Variants in LINGO2 observed in about 807,000 individuals in gnomAD.
The protein encoded by LINGO2 is leucine-rich repeat and immunoglobulin-like domain-containing nogo receptor-interacting protein 2.
A neutral mutation model predicts 30.6 loss-of-function variants in LINGO2; 14 were observed. That is an observed-to-expected ratio of 0.46 (90% CI 0.30 to 0.72). The LOEUF (loss-of-function observed/expected upper bound fraction) is 0.72. Among genes scored for constraint, LINGO2 ranks in the 30% least tolerant of loss-of-function variants. The pLI is 0.07. For missense variants in LINGO2, 729 were observed against 751.7 expected, an observed-to-expected ratio of 0.97 and a Z score of 0.35; for synonymous variants, 317 against 288.5, an observed-to-expected ratio of 1.10 and a Z score of -1.00.
intron 1 of LINGO2, among the ~76,000 whole-genome samples, chr9:28,496,132 TTC>T (rs1819616553): frequency 6.6e-6 from 1 of 152,006 alleles, no homozygotes; most frequent in African/African-American, 2.4e-5. Context: ...AGAATGTATA[TTC>T]TGTTGATTTG....
At chr9:28,647,355 C>T (rs1827887030) in intron 1 of LINGO2, among the ~76,000 whole-genome samples, 1 of 151,906 alleles carries the variant, frequency 6.6e-6, no homozygotes, top group African/African-American at 2.4e-5. Context: ...ATAATATATC[C>T]TTTTATTTCC....
At chr9:29,093,822 T>C in the LINGO2 span, among the ~76,000 whole-genome samples, 1 of 137,758 alleles carries the variant, frequency 7.3e-6, no homozygotes, top group Admixed American at 7.5e-5. Flanking sequence ...ATAGTGGAAA[T>C]TGAACTTTAG....
At chr9:28,546,347 C>G (rs1417240072) in intron 1 of LINGO2, among the ~76,000 whole-genome samples, 1 of 151,888 alleles carries the variant, frequency 6.6e-6, no homozygotes, top group African/African-American at 2.4e-5. Context: ...GAGCCTTCAG[C>G]AATGTAGACC....
At chr9:29,201,297 A>G in the LINGO2 span, among the ~76,000 whole-genome samples, 1 of 152,070 alleles carries the variant, frequency 6.6e-6, no homozygotes, top group Admixed American at 6.6e-5. Flanking sequence ...TGGATATTTT[A>G]GGCACAAATT....
chr9:28,864,130 A>T, the LINGO2 span, among the ~76,000 whole-genome samples: 47 of 152,226 alleles, frequency 3.1e-4, no homozygotes, highest in South Asian at 8.1e-3. Flanking sequence ...TGTTCTAAAG[A>T]TATCCTCAGT....
intron 4 of LINGO2, among the ~76,000 whole-genome samples, chr9:28,177,547 C>T (rs73445919): frequency 1.0e-3 from 154 of 152,266 alleles, no homozygotes; most frequent in Non-Finnish European, 2.0e-3. Context: ...AAAGAAGTAC[C>T]TACCTCATAG....
intron 2 of LINGO2, among the ~76,000 whole-genome samples, chr9:28,411,422 T>C (rs1929808): frequency 0.46 from 70,240 of 151,904 alleles, 16,512 homozygotes; most frequent in Admixed American, 0.5. Flanking sequence ...TGTACATTCA[T>C]ATAGTTGTAC....
At chr9:28,636,862 C>T (rs34219970) in intron 1 of LINGO2, among the ~76,000 whole-genome samples, 15,091 of 152,054 alleles carry the variant, frequency 0.099, 1,051 homozygotes, top group Admixed American at 0.24. Flanking sequence ...TTTGTTGCCA[C>T]TGCTTTTGGT....
chr9:28,884,861 TATATACACAC>T, the LINGO2 span, among the ~76,000 whole-genome samples: 2 of 140,398 alleles, frequency 1.4e-5, no homozygotes, highest in Non-Finnish European at 3.0e-5. Flanking sequence ...ATATACACTA[TATATACACAC>T]ATATACACTA....
chr9:29,026,307 G>A, the LINGO2 span, among the ~76,000 whole-genome samples: 1 of 152,114 alleles, frequency 6.6e-6, no homozygotes, highest in Non-Finnish European at 1.5e-5. Context: ...GGGATTACAT[G>A]ACATTGTAAT....
the LINGO2 span, among the ~76,000 whole-genome samples, chr9:28,824,646 T>C: frequency 6.6e-6 from 1 of 152,184 alleles, no homozygotes; most frequent in African/African-American, 2.4e-5. Context: ...ATTAATGATG[T>C]CTTTCACCAG....
the LINGO2 span, among the ~76,000 whole-genome samples, chr9:28,724,235 A>C: frequency 6.6e-6 from 1 of 152,096 alleles, no homozygotes; most frequent in Middle Eastern, 3.2e-3. Context: ...CCAACCATTG[A>C]GTAACATGTT....
the LINGO2 span, among the ~76,000 whole-genome samples, chr9:28,868,640 G>A: frequency 6.6e-6 from 1 of 152,074 alleles, no homozygotes; most frequent in Non-Finnish European, 1.5e-5. Context: ...GGGAATGAGA[G>A]AACAGAAAAC....
chr9:28,741,928 C>A, the LINGO2 span, among the ~76,000 whole-genome samples: 1 of 151,916 alleles, frequency 6.6e-6, no homozygotes, highest in African/African-American at 2.4e-5. Context: ...GCCTGGTTAG[C>A]TAGGATTGGA....
At chr9:28,433,949 C>CTCTCTCTCTCTCTATATA (rs1225323260) in intron 2 of LINGO2, among the ~76,000 whole-genome samples, 8 of 88,548 alleles carry the variant, frequency 9.0e-5, no homozygotes, top group African/African-American at 3.6e-4. Context: ...CTCTCTCTCT[C>CTCTCTCTCTCTCTATATA]TATATATATA....
At chr9:28,450,532 T>G (rs557810440) in intron 2 of LINGO2, among the ~76,000 whole-genome samples, 2 of 152,180 alleles carry the variant, frequency 1.3e-5, no homozygotes, top group Non-Finnish European at 2.9e-5. Context: ...AGGATCCTTT[T>G]GCTCCTTTTA....
At chr9:28,585,893 T>C (rs1265410112) in intron 1 of LINGO2, among the ~76,000 whole-genome samples, 2 of 152,050 alleles carry the variant, frequency 1.3e-5, no homozygotes, top group African/African-American at 4.8e-5. Context: ...ATCTCAGTTG[T>C]GGCTCTCCCA....
At chr9:28,727,076 C>A in the LINGO2 span, among the ~76,000 whole-genome samples, 2 of 152,078 alleles carry the variant, frequency 1.3e-5, no homozygotes, top group African/African-American at 4.8e-5. Context: ...CTAATGCATG[C>A]AAATATAAGA....
the LINGO2 span, among the ~76,000 whole-genome samples, chr9:28,701,867 A>T: frequency 5.9e-5 from 9 of 151,938 alleles, no homozygotes; most frequent in South Asian, 2.1e-4. Flanking sequence ...TTAGATATAA[A>T]CCTAAATATT....
Sources: gnomAD v4.1 joint callset for allele counts (sites outside exome capture counted in the v4.1 genomes callset) on GRCh38, gnomAD v4.1.1 for gene constraint, MANE v1.5 for transcripts, NCBI Gene and HGNC (gene_info 2026-07-23, HGNC 2026-07-21) for gene names.